The following CALCR variants were observed in gnomAD, a reference collection of about 807,000 sequenced individuals.
CALCR encodes the protein calcitonin receptor.
A neutral mutation model predicts 59.5 loss-of-function variants in CALCR; 47 were observed. The observed-to-expected ratio is 0.79, with a 90% CI of 0.63 to 1.01. The LOEUF is 1.01. CALCR is among the 50% of genes least tolerant of loss of function. CALCR has a pLI of 0.00. For synonymous variants in CALCR, 213 were observed against 211.3 expected (o/e 1.01, Z -0.07); for missense variants, 566 against 597.1 (o/e 0.95, Z 0.54).
intron 5 of CALCR, among the ~76,000 whole-genome samples, chr7:93,474,094 C>T (rs955188338): frequency 6.6e-6 from 1 of 151,610 alleles, no homozygotes; most frequent in African/African-American, 2.4e-5. Context: ...ATCAAGTGCT[C>T]CATCTTAAAA....
intron 2 of CALCR, among the ~76,000 whole-genome samples, chr7:93,525,739 A>G (rs1306951117): frequency 1.3e-5 from 2 of 152,170 alleles, no homozygotes; most frequent in East Asian, 3.8e-4. Context: ...TTAAATTGTG[A>G]TTTCCTTGAA....
chr7:93,473,036 A>G (rs1290881749), intron 5 of CALCR, among the ~76,000 whole-genome samples: 2 of 151,818 alleles, frequency 1.3e-5, no homozygotes, highest in African/African-American at 4.8e-5. Flanking sequence ...ACTAAGGGAT[A>G]TATCAAGAGG....
intron 2 of CALCR, among the ~76,000 whole-genome samples, chr7:93,492,330 T>C (rs1801099721): frequency 6.6e-6 from 1 of 151,228 alleles, no homozygotes; most frequent in African/African-American, 2.4e-5. Context: ...AAATAAAATA[T>C]GCACTCACAT....
At position 93,516,990 on chromosome 7, in the gene CALCR, G is replaced by A. The variant is rs73221757; in HGVS notation, c.-26-29983C>T. The stretch of plus-strand genomic sequence containing the variant: ...AAGACAGACTTGGGTAGGACATTGC[G>A]GTGGCTTTTTGCACATTAGAACCAT... On this transcript the variant is annotated intron_variant, in intron 2 of 13. Coordinates refer to ENST00000426151, the MANE Select transcript of CALCR (RefSeq NM_001742.4). Among the ~76,000 whole-genome samples, 1,299 of 151,846 alleles carry A rather than the reference G, an allele frequency of 8.6e-3. 10 individuals carry two copies. Among genetic ancestry groups the A allele is most frequent in the Non-Finnish European group, 0.014 (940 of 67,818 alleles).
At chr7:93,500,543 G>A (rs10230248) in intron 2 of CALCR, among the ~76,000 whole-genome samples, 7,721 of 151,904 alleles carry the variant, frequency 0.051, 693 homozygotes, top group African/African-American at 0.18. Flanking sequence ...TTAATTTTCT[G>A]CCTCTCCCCC....
At chr7:93,491,707 T>A (rs1269703388) in intron 2 of CALCR, among the ~76,000 whole-genome samples, 1 of 151,980 alleles carries the variant, frequency 6.6e-6, no homozygotes, top group African/African-American at 2.4e-5. Flanking sequence ...TGAGATACCA[T>A]GTCACACCGG....
At chr7:93,531,050 G>A (rs1788820680) in intron 2 of CALCR, among the ~76,000 whole-genome samples, 1 of 151,950 alleles carries the variant, frequency 6.6e-6, no homozygotes, top group African/African-American at 2.4e-5. Flanking sequence ...TTATTTGGAG[G>A]TGCCTGGGGA....
intron 4 of CALCR, 102 bp downstream of exon 4, chr7:93,479,252 G>A: frequency 8.4e-7 from 1 of 1,188,642 alleles, no homozygotes; most frequent in Non-Finnish European, 1.2e-6. Flanking sequence ...TGTGAAAACT[G>A]CTGGCATATT....
At chr7:93,537,725 C>CAT (rs1789028096) in intron 2 of CALCR, among the ~76,000 whole-genome samples, 4 of 151,902 alleles carry the variant, frequency 2.6e-5, no homozygotes, top group African/African-American at 9.6e-5. Flanking sequence ...CACACACACA[C>CAT]ACACATACAT....
At chr7:93,473,223 A>G (rs1344274897) in intron 5 of CALCR, among the ~76,000 whole-genome samples, 1 of 151,824 alleles carries the variant, frequency 6.6e-6, no homozygotes, top group East Asian at 1.9e-4. Context: ...CACCTTCGCT[A>G]TGGGGGTGCC....
intron 8 of CALCR, among the ~76,000 whole-genome samples, chr7:93,445,969 A>G (rs998505541): frequency 1.3e-5 from 2 of 152,090 alleles, no homozygotes; most frequent in African/African-American, 4.8e-5. Context: ...GAACTGAAAC[A>G]AGAAGGCACA....
intron 2 of CALCR, among the ~76,000 whole-genome samples, chr7:93,550,404 C>T (rs1422728628): frequency 4.2e-5 from 6 of 143,942 alleles, no homozygotes; most frequent in African/African-American, 1.6e-4. Context: ...GGCAGAATCA[C>T]TTGAACCCGG....
At chr7:93,437,887 TA>T (rs1466699412) in intron 11 of CALCR, among the ~76,000 whole-genome samples, 172 bp downstream of exon 11, 1 of 152,142 alleles carries the variant, frequency 6.6e-6, no homozygotes, top group Non-Finnish European at 1.5e-5. Flanking sequence ...CATGTGTGAG[TA>T]AAAGGCGTTT....
intron 2 of CALCR, among the ~76,000 whole-genome samples, chr7:93,522,140 A>G (rs2116093138): frequency 6.6e-6 from 1 of 152,124 alleles, no homozygotes; most frequent in Non-Finnish European, 1.5e-5. Context: ...GAGGCATATC[A>G]CTCACATCAT....
In CALCR at chr7:93,441,644, T is replaced by G. The variant is rs900834136; in HGVS notation, c.802+1960A>C. The G allele has an allele frequency of 3.8e-5, 16 of 421,734 alleles. No homozygotes were observed. The East Asian group carries it at 9.1e-4, about 24-fold the overall frequency. 26.1% of individuals were successfully genotyped at this position (421,734 alleles called of 1,614,324 possible). ...GAGCAGGAGAACCTGTTACCTGATG[T>G]GGAACCAGCAGGATAGTGATAGCCT... On this transcript the variant is annotated intron_variant, in intron 9 of 13. Coordinates refer to ENST00000426151, the MANE Select transcript of CALCR (RefSeq NM_001742.4).
At chr7:93,480,405 T>C (rs928671503) in intron 3 of CALCR, among the ~76,000 whole-genome samples, 5 of 151,846 alleles carry the variant, frequency 3.3e-5, no homozygotes, top group African/African-American at 1.2e-4. Flanking sequence ...TGAGGAGACC[T>C]AAAAACATCA....
intron 2 of CALCR, among the ~76,000 whole-genome samples, chr7:93,560,153 T>G (rs1278426996): frequency 3.3e-5 from 5 of 152,116 alleles, no homozygotes; most frequent in Non-Finnish European, 7.4e-5. Context: ...TTTCTCCCTT[T>G]GAGGACTGAA....
chr7:93,440,251 C>T (rs1377244395), intron 9 of CALCR, among the ~76,000 whole-genome samples: 4 of 152,056 alleles, frequency 2.6e-5, no homozygotes, highest in Non-Finnish European at 5.9e-5. Context: ...TAGAACCTAT[C>T]ATACTGTCTT....
At chr7:93,569,220 C>T (rs576261515) in intron 2 of CALCR, among the ~76,000 whole-genome samples, 1 of 152,152 alleles carries the variant, frequency 6.6e-6, no homozygotes, top group South Asian at 2.1e-4. Context: ...CCAGAGAGAT[C>T]TACCAAAATG....
Sources: allele counts gnomAD v4.1 joint callset (sites outside exome capture counted in the v4.1 genomes callset), GRCh38; gene constraint gnomAD v4.1.1; transcripts MANE v1.5; gene names NCBI Gene and HGNC (gene_info 2026-07-23, HGNC 2026-07-21).